N4BP2: variants seen among roughly 807,000 people sequenced by gnomAD.
N4BP2 encodes the protein NEDD4-binding protein 2.
In N4BP2, 91 loss-of-function variants were observed where a neutral mutation model predicts 152.8. That is an observed-to-expected ratio of 0.60 (90% CI 0.50 to 0.71). The LOEUF is 0.71. Among genes scored for constraint, N4BP2 ranks in the 30% least tolerant of loss-of-function variants. The probability of loss-of-function intolerance (pLI) is 0.00; values close to 1 mark genes in which losing one functional copy is unlikely to be tolerated. For synonymous variants in N4BP2, 646 were observed against 705.3 expected (o/e 0.92, Z 1.33); for missense variants, 1,923 against 2,059.1 (o/e 0.93, Z 1.28).
the N4BP2 span, among the ~76,000 whole-genome samples, chr4:40,184,595 C>T: frequency 6.6e-6 from 1 of 152,158 alleles, no homozygotes. Flanking sequence ...CATTCAGAGA[C>T]AGTCACTATT....
intron 7 of N4BP2, among the ~76,000 whole-genome samples, chr4:40,117,572 A>T (rs540051104): frequency 6.6e-6 from 1 of 152,242 alleles, no homozygotes; most frequent in Admixed American, 6.5e-5. Flanking sequence ...TATAATAAAA[A>T]ACATTTTTGA....
At chr4:40,084,147 C>T (rs1049279891) in intron 2 of N4BP2, among the ~76,000 whole-genome samples, 15 of 151,972 alleles carry the variant, frequency 9.9e-5, no homozygotes, top group African/African-American at 9.7e-5. Flanking sequence ...GACGGGGTTT[C>T]GGCATGTTGC....
intron 14 of N4BP2, among the ~76,000 whole-genome samples, chr4:40,139,620 TA>T (rs1377973709): frequency 6.6e-6 from 1 of 150,622 alleles, no homozygotes; most frequent in Non-Finnish European, 1.5e-5. Flanking sequence ...GCCTCCCAGG[TA>T]GCTGGGATTA....
intron 7 of N4BP2, among the ~76,000 whole-genome samples, chr4:40,114,214 A>C (rs1438613478): frequency 6.6e-6 from 1 of 152,026 alleles, no homozygotes; most frequent in Non-Finnish European, 1.5e-5. Context: ...AGATAGCCCT[A>C]ACTTCATTTT....
At chr4:40,183,193 C>T in the N4BP2 span, among the ~76,000 whole-genome samples, 2 of 152,146 alleles carry the variant, frequency 1.3e-5, no homozygotes, top group East Asian at 1.9e-4. Context: ...ATGAGCATCT[C>T]CTTATGTGGT....
chr4:40,137,174 T>C (rs546502658), intron 14 of N4BP2, 92 bp downstream of exon 14: 1 of 1,035,718 alleles, frequency 9.7e-7, no homozygotes, highest in East Asian at 2.8e-5. Context: ...AATGATTATT[T>C]CTCACCATTT....
chr4:40,176,800 A>G, the N4BP2 span, among the ~76,000 whole-genome samples: 2 of 152,212 alleles, frequency 1.3e-5, no homozygotes, highest in African/African-American at 2.4e-5. Flanking sequence ...CGGGAAGTTC[A>G]TGCTGTTTGC....
At chr4:40,173,038 C>T in the N4BP2 span, among the ~76,000 whole-genome samples, 1 of 151,992 alleles carries the variant, frequency 6.6e-6, no homozygotes, top group Non-Finnish European at 1.5e-5. Flanking sequence ...CCCTAACTTC[C>T]CCTGCCATTG....
At chr4:40,138,065 G>C (rs548250510) in intron 14 of N4BP2, among the ~76,000 whole-genome samples, 2 of 152,216 alleles carry the variant, frequency 1.3e-5, no homozygotes, top group Admixed American at 6.5e-5. Context: ...GGCAGGAGGA[G>C]CAGCCTCTCT....
At chr4:40,099,529 C>T (rs950740558) in intron 3 of N4BP2, among the ~76,000 whole-genome samples, 1 of 152,142 alleles carries the variant, frequency 6.6e-6, no homozygotes, top group South Asian at 2.1e-4. Context: ...GGATTACAGG[C>T]GTGAGCCACT....
At chr4:40,087,276 A>AT (rs1024626636) in intron 2 of N4BP2, among the ~76,000 whole-genome samples, 3 of 150,274 alleles carry the variant, frequency 2.0e-5, no homozygotes, top group Admixed American at 6.6e-5. Context: ...TAAAAAAAAA[A>AT]TTTTTTTTAA....
At chr4:40,178,301 T>C in the N4BP2 span, among the ~76,000 whole-genome samples, 1 of 152,014 alleles carries the variant, frequency 6.6e-6, no homozygotes, top group Admixed American at 6.6e-5. Flanking sequence ...GAATCAGAAA[T>C]GAATAAATTG....
intron 1 of N4BP2, among the ~76,000 whole-genome samples, chr4:40,064,932 G>A (rs1341652141): frequency 3.3e-5 from 5 of 151,904 alleles, no homozygotes; most frequent in Non-Finnish European, 1.5e-5. Context: ...CACCACACTC[G>A]CTAAGTTTTG....
the N4BP2 span, among the ~76,000 whole-genome samples, chr4:40,185,390 A>G: frequency 1.3e-5 from 2 of 152,246 alleles, no homozygotes; most frequent in Non-Finnish European, 2.9e-5. Flanking sequence ...GAAAGAAAAA[A>G]ATTTAAAGTT....
At chr4:40,189,148 CACAAAACAAAACAAAACAAA>C in the N4BP2 span, among the ~76,000 whole-genome samples, 1 of 149,098 alleles carries the variant, frequency 6.7e-6, no homozygotes, top group Non-Finnish European at 1.5e-5. This position sits in a 1 kb window ranked among gnomAD's most constrained non-coding sequence, Gnocchi z 4.3. Context: ...CTGTCTCAAA[CACAAAACAAAACAAAACAAA>C]ACAAAACAAA....
chr4:40,069,895 G>A (rs541405103), intron 1 of N4BP2, among the ~76,000 whole-genome samples: 3 of 152,060 alleles, frequency 2.0e-5, no homozygotes, highest in Non-Finnish European at 4.4e-5. Context: ...AGCCTGGGTG[G>A]CAGAGTGAGA....
At chr4:40,147,697 C>T (rs1579147691) in intron 16 of N4BP2, among the ~76,000 whole-genome samples, 1 of 151,548 alleles carries the variant, frequency 6.6e-6, no homozygotes, top group Non-Finnish European at 1.5e-5. Flanking sequence ...CCCCACCTCC[C>T]TCCCAGACGG....
chr4:40,176,607 AG>A, the N4BP2 span, among the ~76,000 whole-genome samples: 1 of 152,216 alleles, frequency 6.6e-6, no homozygotes, highest in African/African-American at 2.4e-5. Context: ...GGCGACTGGG[AG>A]AAAACACGAG....
intron 2 of N4BP2, among the ~76,000 whole-genome samples, chr4:40,080,518 G>A (rs1443079552): frequency 3.3e-5 from 5 of 150,988 alleles, no homozygotes; most frequent in African/African-American, 7.3e-5. Context: ...TTGTATTTTA[G>A]TAAAGACAGG....
Sources: gnomAD v4.1 joint callset for allele counts (sites outside exome capture counted in the v4.1 genomes callset) on GRCh38, gnomAD v4.1.1 for gene constraint, Gnocchi (gnomAD v3.1) non-coding constraint, MANE v1.5 for transcripts, NCBI Gene and HGNC (gene_info 2026-07-23, HGNC 2026-07-21) for gene names.